CPT1A: variants seen among roughly 807,000 people sequenced by gnomAD.
CPT1A encodes the protein carnitine O-palmitoyltransferase 1, liver isoform.
In CPT1A, 64 loss-of-function variants were observed where a neutral mutation model predicts 100.8. That is an observed-to-expected ratio of 0.63 (90% confidence interval 0.52 to 0.78). CPT1A has a LOEUF of 0.78. Ranked by LOEUF, CPT1A falls within the 30% of genes least tolerant of loss-of-function variation. CPT1A has a pLI of 0.00. For synonymous variants in CPT1A, 363 were observed against 396.0 expected, an observed-to-expected ratio of 0.92 and a Z score of 0.99; for missense variants, 802 against 1,034.1, an observed-to-expected ratio of 0.78 and a Z score of 3.08.
intron 1 of CPT1A, among the ~76,000 whole-genome samples, chr11:68,833,528 G>A (rs1054933592): frequency 2.0e-5 from 3 of 152,222 alleles, no homozygotes; most frequent in Non-Finnish European, 4.4e-5. Flanking sequence ...AGGCCAAGGT[G>A]GGCGGATCAC....
chr11:68,773,631 A>G (rs1855057135), intron 13 of CPT1A: 2 of 845,768 alleles, frequency 2.4e-6, no homozygotes, highest in Non-Finnish European at 3.6e-6. Flanking sequence ...ATGTTATAGC[A>G]GGTAGCGGGT....
At chr11:68,797,774 T>C (rs1449886572) in intron 6 of CPT1A, among the ~76,000 whole-genome samples, 1 of 152,030 alleles carries the variant, frequency 6.6e-6, no homozygotes, top group Non-Finnish European at 1.5e-5. Flanking sequence ...GGTTAGGAGT[T>C]CCGGACCTGC....
At chr11:68,773,044 C>G (rs755473084) in intron 14 of CPT1A, among the ~76,000 whole-genome samples, 12 of 152,214 alleles carry the variant, frequency 7.9e-5, no homozygotes, top group Non-Finnish European at 1.0e-4. Context: ...TCTCCCGTGT[C>G]AGCTGGGAAT....
intron 14 of CPT1A, among the ~76,000 whole-genome samples, chr11:68,771,443 T>C (rs1437880404): frequency 1.3e-5 from 2 of 152,212 alleles, no homozygotes; most frequent in African/African-American, 4.8e-5. Context: ...GGGCAAAATC[T>C]GCTCATCAAT....
At chr11:68,763,835 C>T (rs1445203779) in intron 14 of CPT1A, among the ~76,000 whole-genome samples, 1 of 152,110 alleles carries the variant, frequency 6.6e-6, no homozygotes, top group East Asian at 1.9e-4. Flanking sequence ...TAGGCTGGTG[C>T]CTTGGGAACA....
At chr11:68,759,148 C>T (rs1180878062) in intron 18 of CPT1A, among the ~76,000 whole-genome samples, 2 of 151,890 alleles carry the variant, frequency 1.3e-5, no homozygotes, top group Non-Finnish European at 2.9e-5. Flanking sequence ...AATCTCAGCA[C>T]TTTGGGAGGT....
chr11:68,842,052 C>G, upstream of CPT1A: 1 of 753,362 alleles, frequency 1.3e-6, no homozygotes, highest in South Asian at 5.9e-5. Context: ...CGGGTGCTCG[C>G]GTCCTCGACC....
intron 12 of CPT1A, among the ~76,000 whole-genome samples, chr11:68,776,317 T>G (rs940889883): frequency 6.6e-6 from 1 of 152,128 alleles, no homozygotes; most frequent in Non-Finnish European, 1.5e-5. Flanking sequence ...GAAGATCACC[T>G]GAGCCCAGGA....
At chr11:68,785,145 T>G in intron 9 of CPT1A, 135 bp from the exon 10 acceptor site, 1 of 747,340 alleles carries the variant, frequency 1.3e-6, no homozygotes, top group East Asian at 2.7e-5. Context: ...CAGGAACCTA[T>G]TCCTCAAGAC....
At chr11:68,763,112 G>A (rs1044595390) in intron 14 of CPT1A, among the ~76,000 whole-genome samples, 5 of 152,176 alleles carry the variant, frequency 3.3e-5, no homozygotes, top group African/African-American at 1.2e-4. Context: ...GCTTCCCAAA[G>A]TGCTGGGATT....
chr11:68,780,875 C>T, intron 11 of CPT1A, 130 bp from the exon 12 acceptor site: 1 of 726,394 alleles, frequency 1.4e-6, no homozygotes, highest in Non-Finnish European at 2.5e-6. Flanking sequence ...TGAGCAGACA[C>T]TCAGTCTCTG....
chr11:68,817,796 C>CT (rs1856473989), intron 1 of CPT1A, among the ~76,000 whole-genome samples: 1 of 120,004 alleles, frequency 8.3e-6, no homozygotes, highest in Non-Finnish European at 1.7e-5. Context: ...AGCAGGCCAG[C>CT]GGGGTCAAGG....
chr11:68,818,140 G>A (rs1273897959), intron 1 of CPT1A, among the ~76,000 whole-genome samples: 1 of 152,178 alleles, frequency 6.6e-6, no homozygotes, highest in Non-Finnish European at 1.5e-5. Flanking sequence ...GAAGGTGCAT[G>A]GGCCTGGCCC....
Position 68,796,883 on chromosome 11 carries a change from G to A in CPT1A, c.744C>T (p.Leu248=), listed in dbSNP as rs763514947. The change falls in exon 7 of 19, where the codon CTC becomes CTT. Residue 248 remains leucine, a synonymous_variant. Coordinates refer to ENST00000265641, the MANE Select transcript of CPT1A (RefSeq NM_001876.4). The part of the protein sequence containing the change: ...EYIYLRGRGP[L]MVNSNYYAMD... The stretch of plus-strand genomic sequence containing the variant: ...TGGCATAATAGTTGCTGTTCACCAT[G>A]AGCGGCCCTCGTCCTCGGAGGTAGA... 3.1e-6 allele frequency: 5 copies of A among 1,614,104 alleles called. No individual in the cohort carries two copies. In the East Asian group the frequency reaches 8.9e-5, roughly 29 times the overall value.
At chr11:68,789,293 T>C (rs1490021989) in intron 9 of CPT1A, among the ~76,000 whole-genome samples, 2 of 152,192 alleles carry the variant, frequency 1.3e-5, no homozygotes, top group Non-Finnish European at 2.9e-5. Context: ...TTAGTGAGGA[T>C]TGTGACTGAT....
intron 3 of CPT1A, 121 bp from the exon 4 acceptor site, chr11:68,807,759 C>T (rs551807728): frequency 2.1e-4 from 199 of 955,410 alleles, no homozygotes; most frequent in East Asian, 3.6e-4. Context: ...CAGGTACAGC[C>T]GGGAAAGTCA....
chr11:68,825,639 A>G (rs1419160250), intron 1 of CPT1A, among the ~76,000 whole-genome samples: 1 of 152,134 alleles, frequency 6.6e-6, no homozygotes, highest in East Asian at 1.9e-4. Context: ...AAGGAAAAGC[A>G]GGGCCTCCCC....
chr11:68,789,831 A>G lies in CPT1A; in HGVS notation c.967+3484T>C, dbSNP rs555778847. Among the ~76,000 whole-genome samples the G allele has an allele frequency of 5.3e-5, 8 of 152,320 alleles. No homozygotes were observed. The East Asian group carries it at 1.5e-3, about 29-fold the overall frequency. On this transcript the variant is annotated intron_variant, in intron 9 of 18. Transcript: ENST00000265641. ...ATCTTCATGGTTTTCTGGCAGATTTATAAGAACTCTTTACATATTAACCCT... is the reference window on the plus strand; with the variant it reads ...ATCTTCATGGTTTTCTGGCAGATTTGTAAGAACTCTTTACATATTAACCCT...
At chr11:68,778,120 G>C (rs547319709) in intron 12 of CPT1A, among the ~76,000 whole-genome samples, 2 of 151,166 alleles carry the variant, frequency 1.3e-5, no homozygotes, top group Non-Finnish European at 2.9e-5. Flanking sequence ...TTCCTACATA[G>C]AAAACCTCCC....
Sources: gnomAD v4.1 joint callset for allele counts (sites outside exome capture counted in the v4.1 genomes callset) on GRCh38, gnomAD v4.1.1 for gene constraint, MANE v1.5 for transcripts, NCBI Gene and HGNC (gene_info 2026-07-23, HGNC 2026-07-21) for gene names.